The following CACNA2D3 variants were observed in gnomAD, a reference collection of about 807,000 sequenced individuals.
CACNA2D3 encodes the protein calcium voltage-gated channel auxiliary subunit alpha2delta 3.
A neutral mutation model predicts 160.6 loss-of-function variants in CACNA2D3; 60 were observed. The ratio of observed to expected loss-of-function variants is 0.37; its 90% CI spans 0.30 to 0.46. The LOEUF (loss-of-function observed/expected upper bound fraction) is 0.46. CACNA2D3 is among the 20% of genes least tolerant of loss of function. The probability of loss-of-function intolerance (pLI) is 1.00; values close to 1 mark genes in which losing one functional copy is unlikely to be tolerated. For missense variants in CACNA2D3, 1,205 were observed against 1,365.0 expected, an observed-to-expected ratio of 0.88 and a Z score of 1.85; for synonymous variants, 558 against 492.9, an observed-to-expected ratio of 1.13 and a Z score of -1.75.
intron 35 of CACNA2D3, among the ~76,000 whole-genome samples, chr3:55,022,352 A>G (rs899140318): frequency 1.4e-4 from 22 of 151,752 alleles, no homozygotes; most frequent in South Asian, 2.1e-4. Context: ...CTTTTTCGTC[A>G]TTTTGCACTA....
intron 35 of CACNA2D3, among the ~76,000 whole-genome samples, chr3:55,018,946 CTTT>C (rs35956279): frequency 2.5e-5 from 3 of 118,544 alleles, no homozygotes; most frequent in Non-Finnish European, 5.4e-5. Flanking sequence ...TTACAGATGC[CTTT>C]TTTTTTTTTT....
intron 2 of CACNA2D3, among the ~76,000 whole-genome samples, chr3:54,208,724 G>A (rs1701317927): frequency 1.4e-5 from 2 of 147,380 alleles, no homozygotes; most frequent in South Asian, 4.5e-4. Context: ...GAGCATCACT[G>A]TGTAGGTGGT....
At chr3:54,298,944 T>TAAAAAAAAAAA (rs59100168) in intron 2 of CACNA2D3, among the ~76,000 whole-genome samples, 1 of 99,252 alleles carries the variant, frequency 1.0e-5, no homozygotes, top group South Asian at 3.2e-4. Flanking sequence ...CTCTGTTTCT[T>TAAAAAAAAAAA]AAAAAAAAAA....
chr3:54,241,197 GA>G (rs1052921887), intron 2 of CACNA2D3, among the ~76,000 whole-genome samples: 8 of 152,182 alleles, frequency 5.3e-5, no homozygotes, highest in Non-Finnish European at 8.8e-5. Context: ...CAGTTTCTAA[GA>G]GAAATATGAA....
At chr3:54,155,970 T>A (rs887524900) in intron 2 of CACNA2D3, among the ~76,000 whole-genome samples, 5 of 152,190 alleles carry the variant, frequency 3.3e-5, no homozygotes, top group African/African-American at 1.2e-4. Context: ...TCAACTGAGG[T>A]TTTACCAAAC....
intron 17 of CACNA2D3, among the ~76,000 whole-genome samples, chr3:54,857,586 G>A (rs1401332821): frequency 2.0e-5 from 3 of 152,182 alleles, no homozygotes; most frequent in Admixed American, 1.3e-4. Context: ...CCTGTTGGCT[G>A]CCCTCCCATC....
intron 2 of CACNA2D3, among the ~76,000 whole-genome samples, chr3:54,178,185 C>A (rs1401200275): frequency 6.6e-6 from 1 of 152,146 alleles, no homozygotes; most frequent in African/African-American, 2.4e-5. Flanking sequence ...GGTCATGAAC[C>A]CTCAGTGATG....
Position 54,234,446 on chromosome 3 carries a change from T to C in CACNA2D3, c.205-85996T>C, listed in dbSNP as rs889069327. ...AGTTCAACTATTGTGGAAAGCAGTA[T>C]GGCAATTCCTCAAAGAGCTAAAAAC... is the stretch of plus-strand genomic sequence containing the variant. On this transcript the variant is annotated intron_variant, in intron 2 of 37. Transcript: ENST00000474759. Among the ~76,000 whole-genome samples the C allele has an allele frequency of 2.0e-5, 3 of 152,344 alleles. No individual in the cohort carries two copies. In the East Asian group the frequency reaches 5.8e-4, roughly 29 times the overall value.
At position 54,918,311 on chromosome 3, in the gene CACNA2D3, A is replaced by G. The variant is rs569164947; in HGVS notation, c.2449+18443A>G. 7 of 780,398 alleles carry G rather than the reference A, an allele frequency of 9.0e-6. No homozygotes were observed. The East Asian group carries it at 1.5e-4, about 17-fold the overall frequency. The allele number at this position is 780,398 out of a possible 1,614,324, so 48.3% of individuals were successfully genotyped here. On this transcript the variant is annotated intron_variant, in intron 27 of 37. Coordinates refer to ENST00000474759, the MANE Select transcript of CACNA2D3 (RefSeq NM_018398.3). ...AAATTCCTCCCCAGAAATATTTTTT[A>G]CAGACACATCTTTTTTTTTTCTTTT...
chr3:54,923,301 G>C (rs1225823659), intron 27 of CACNA2D3, among the ~76,000 whole-genome samples: 1 of 152,068 alleles, frequency 6.6e-6, no homozygotes, highest in Non-Finnish European at 1.5e-5. Context: ...ACTGGCCACT[G>C]TCTTGTCCCT....
chr3:54,123,391 T>G, intron 1 of CACNA2D3, 122 bp from the exon 2 acceptor site: 1 of 750,496 alleles, frequency 1.3e-6, no homozygotes, highest in Non-Finnish European at 2.3e-6. Flanking sequence ...TCTTTTCTTC[T>G]TTTAAAACAT....
chr3:54,247,132 T>G (rs1159304042), intron 2 of CACNA2D3, among the ~76,000 whole-genome samples: 1 of 152,088 alleles, frequency 6.6e-6, no homozygotes, highest in African/African-American at 2.4e-5. Flanking sequence ...GCCAACATGG[T>G]GAAACCCTGT....
chr3:54,927,877 T>C, intron 27 of CACNA2D3: 1 of 1,613,498 alleles, frequency 6.2e-7, no homozygotes, highest in South Asian at 1.1e-5. Flanking sequence ...GACAAGAACT[T>C]TTCCAACGGG....
intron 4 of CACNA2D3, among the ~76,000 whole-genome samples, chr3:54,407,858 A>G (rs1418445135): frequency 2.0e-5 from 3 of 152,196 alleles, no homozygotes; most frequent in Non-Finnish European, 2.9e-5. Context: ...GACCATTTAC[A>G]TGCTCAGAGA....
intron 35 of CACNA2D3, among the ~76,000 whole-genome samples, chr3:55,026,957 C>T (rs1206637365): frequency 6.6e-6 from 1 of 152,142 alleles, no homozygotes; most frequent in East Asian, 1.9e-4. Flanking sequence ...CCCTTTGTCC[C>T]TTCCTTCTCT....
At chr3:54,588,280 C>T (rs528558538) in intron 9 of CACNA2D3, among the ~76,000 whole-genome samples, 60 of 152,188 alleles carry the variant, frequency 3.9e-4, no homozygotes, top group African/African-American at 1.4e-3. Flanking sequence ...TTTAAAAATA[C>T]AAAACTTCTC....
At chr3:54,335,920 C>A (rs950305973) in intron 3 of CACNA2D3, among the ~76,000 whole-genome samples, 1 of 142,124 alleles carries the variant, frequency 7.0e-6, no homozygotes, top group African/African-American at 2.6e-5. Flanking sequence ...AGGGGAATCG[C>A]TTGAACCTGG....
chr3:54,751,224 C>A lies in CACNA2D3; in HGVS notation c.1168-1375C>A, dbSNP rs1028415321. ...ACTGGAGAGAGGTCTGTCTGCCTGCCCATCCACCCCAGAAATCCCCTTGCA... is the reference window on the plus strand; with the variant it reads ...ACTGGAGAGAGGTCTGTCTGCCTGCACATCCACCCCAGAAATCCCCTTGCA... On this transcript the variant is annotated intron_variant, in intron 11 of 37. Coordinates refer to ENST00000474759, the MANE Select transcript of CACNA2D3 (RefSeq NM_018398.3). Among the ~76,000 whole-genome samples, 6 of 152,230 alleles carry A rather than the reference C, an allele frequency of 3.9e-5. No homozygotes were observed. In the East Asian group the frequency reaches 1.2e-3, roughly 29 times the overall value.
chr3:54,687,121 C>CTTTTTCTTTTTCTTTTTCTTTTTTTTTT, intron 11 of CACNA2D3, among the ~76,000 whole-genome samples: 1 of 94,930 alleles, frequency 1.1e-5, no homozygotes, highest in African/African-American at 4.0e-5. Context: ...TTTTCTTTTT[C>CTTTTTCTTTTTCTTTTTCTTTTTTTTTT]TTTTTTTTTT....
Sources: gnomAD v4.1 joint callset for allele counts (sites outside exome capture counted in the v4.1 genomes callset) on GRCh38, gnomAD v4.1.1 for gene constraint, MANE v1.5 for transcripts, NCBI Gene and HGNC (gene_info 2026-07-23, HGNC 2026-07-21) for gene names.